Variants in OPRM1 observed in about 807,000 individuals in gnomAD.
OPRM1 encodes mu-type opioid receptor.
OPRM1 carries 27 observed loss-of-function variants against 31.8 expected under a neutral mutation model. The ratio of observed to expected loss-of-function variants is 0.85; its 90% CI spans 0.63 to 1.17. The LOEUF is 1.17. OPRM1 is among the 50% of genes most tolerant of loss of function. The pLI is 0.00. For missense variants in OPRM1, 536 were observed against 511.1 expected (o/e 1.05, Z -0.47); for synonymous variants, 196 against 189.9 (o/e 1.03, Z -0.26).
chr6:154,100,139 AT>A lies in OPRM1; in HGVS notation c.1164+8668del, dbSNP rs1362857049. 1.1e-4 allele frequency among the ~76,000 whole-genome samples: 11 copies of A among 100,142 alleles called. 2 individuals are homozygous for A. The highest frequency in any genetic ancestry group is 4.3e-4 in the African/African-American group (11 of 25,658). The allele number at this position is 100,142 out of a possible 152,430, so 65.7% of individuals were successfully genotyped here. A position where few individuals can be genotyped will look rare whatever the true frequency, so the allele number is the denominator to read the frequency against. On this transcript the variant is annotated intron_variant, in intron 3 of 3. Coordinates refer to ENST00000330432, the MANE Select transcript of OPRM1 (RefSeq NM_000914.5). Reference sequence around the variant, plus strand: ...ATATTATCATATTATGACATATAATATATATTATCATATTATGACGTATCAT... The same window carrying A: ...ATATTATCATATTATGACATATAATAATATTATCATATTATGACGTATCAT...
Position 154,212,760 on chromosome 6 carries a change from C to T in OPRM1, c.1165-33933C>T, listed in dbSNP as rs374919109. 4.0e-5 allele frequency: 63 copies of T among 1,576,794 alleles called. No individual in the cohort carries two copies. The East Asian group carries it at 4.0e-4, about 10-fold the overall frequency. ...TCGATGACCAACAGACTACTTATGT[C>T]GGTACATACCAAAGACTGAGTCTGG... On this transcript the variant is annotated intron_variant, in intron 3 of 3. Coordinates refer to the OPRM1 transcript ENST00000337049.
downstream of OPRM1, among the ~76,000 whole-genome samples, chr6:154,134,222 C>G (rs1395987122): frequency 1.3e-5 from 2 of 152,182 alleles, no homozygotes; most frequent in Non-Finnish European, 2.9e-5. Flanking sequence ...TATATTCATA[C>G]CCAGGCTTTG....
At chr6:154,173,045 A>T (rs1423618716) in intron 3 of OPRM1, among the ~76,000 whole-genome samples, 1 of 152,262 alleles carries the variant, frequency 6.6e-6, no homozygotes, top group Non-Finnish European at 1.5e-5. Flanking sequence ...GTGCACCTGC[A>T]GCAAACTCCA....
Position 154,093,651 on chromosome 6 carries a change from G to T in OPRM1, c.1164+2179G>T, listed in dbSNP as rs924316022. The T allele has an allele frequency of 9.2e-6, 9 of 978,368 alleles. No homozygotes were observed. The Admixed American group carries it at 2.9e-4, about 32-fold the overall frequency. 60.6% of individuals were successfully genotyped at this position (978,368 alleles called of 1,614,324 possible). On this transcript the variant is annotated intron_variant, in intron 3 of 3. Coordinates refer to ENST00000330432, the MANE Select transcript of OPRM1 (RefSeq NM_000914.5). ...TCGCTGCCTCTATGAAGCAGTATCA[G>T]TGTAAGATAACAGCAGAAACACATT...
chr6:154,140,332 A>ATT (rs11313350), intron 3 of OPRM1, among the ~76,000 whole-genome samples: 9 of 130,136 alleles, frequency 6.9e-5, no homozygotes, highest in African/African-American at 1.5e-4. Context: ...ATGTTATTTT[A>ATT]TTTTTTTTTT....
chr6:154,146,098 T>C (rs1798350823), intron 3 of OPRM1, among the ~76,000 whole-genome samples: 1 of 152,140 alleles, frequency 6.6e-6, no homozygotes, highest in Non-Finnish European at 1.5e-5. Context: ...ACTTAGATAT[T>C]TAAGTAAAGA....
chr6:154,175,900 G>A (rs1174040758), intron 3 of OPRM1, among the ~76,000 whole-genome samples: 1 of 152,156 alleles, frequency 6.6e-6, no homozygotes, highest in East Asian at 1.9e-4. Flanking sequence ...TATCCCTGAT[G>A]AACATTGATG....
At chr6:154,022,558 A>G (rs1478191647) in intron 1 of OPRM1, among the ~76,000 whole-genome samples, 1 of 150,708 alleles carries the variant, frequency 6.6e-6, no homozygotes, top group Non-Finnish European at 1.5e-5. Context: ...TTTAAAGTTG[A>G]CATGATATCA....
At chr6:154,029,777 AG>A (rs1778903050) in intron 1 of OPRM1, among the ~76,000 whole-genome samples, 1 of 152,190 alleles carries the variant, frequency 6.6e-6, no homozygotes, top group African/African-American at 2.4e-5. Context: ...TTCTCATGGT[AG>A]TGAATGAGTT....
At chr6:154,234,011 C>T (rs575960606) in intron 3 of OPRM1, among the ~76,000 whole-genome samples, 2 of 152,216 alleles carry the variant, frequency 1.3e-5, no homozygotes, top group South Asian at 4.1e-4. Flanking sequence ...GAGTTCAAGA[C>T]CAGCCTGGGC....
intron 3 of OPRM1, among the ~76,000 whole-genome samples, chr6:154,098,565 A>G (rs1377700841): frequency 2.6e-5 from 4 of 152,182 alleles, no homozygotes; most frequent in Non-Finnish European, 5.9e-5. Context: ...TTCTACCTCT[A>G]TGATTTTGAA....
intron 2 of OPRM1, 122 bp from the exon 3 acceptor site, chr6:154,090,830 C>A (rs1414697496): frequency 2.5e-6 from 2 of 802,960 alleles, no homozygotes; most frequent in South Asian, 2.0e-5. Context: ...TCCACAATTT[C>A]TTTATAGCCT....
intron 1 of OPRM1, among the ~76,000 whole-genome samples, chr6:154,061,563 G>T (rs1784424778): frequency 6.6e-6 from 1 of 152,110 alleles, no homozygotes; most frequent in Admixed American, 6.6e-5. Flanking sequence ...GGCAATGTAT[G>T]CAGGAACAGA....
chr6:154,242,003 C>G (rs1780636661), intron 3 of OPRM1, among the ~76,000 whole-genome samples: 1 of 152,186 alleles, frequency 6.6e-6, no homozygotes, highest in Non-Finnish European at 1.5e-5. Context: ...CCTTATGAGA[C>G]TTTGAGCAAG....
At chr6:154,157,991 C>G (rs1415356506) in intron 3 of OPRM1, 3 of 152,252 alleles carry the variant, frequency 2.0e-5, no homozygotes, top group Non-Finnish European at 4.4e-5. Context: ...GTTTGCTGGG[C>G]CAAACTGACT....
intron 3 of OPRM1, among the ~76,000 whole-genome samples, chr6:154,097,582 G>A (rs530037797): frequency 1.8e-5 from 2 of 113,050 alleles, no homozygotes; most frequent in East Asian, 3.9e-4. Context: ...AAAGAAAATG[G>A]TTCCGTGTGT....
chr6:154,107,524 T>G (rs1795764463), intron 3 of OPRM1: 1 of 718,482 alleles, frequency 1.4e-6, no homozygotes, highest in Non-Finnish European at 2.6e-6. Context: ...TGAGCTACAA[T>G]GCAGGGCAGT....
chr6:154,095,899 C>T (rs1008126338), intron 3 of OPRM1, among the ~76,000 whole-genome samples: 2 of 152,156 alleles, frequency 1.3e-5, no homozygotes, highest in Admixed American at 1.3e-4. Context: ...TATTGAACTC[C>T]ACTTTGCTTT....
chr6:154,188,181 A>G (rs984105200), intron 3 of OPRM1, among the ~76,000 whole-genome samples: 11 of 152,262 alleles, frequency 7.2e-5, no homozygotes, highest in Non-Finnish European at 1.2e-4. Flanking sequence ...AATGCATTTT[A>G]AAAACTAATT....
Sources: gnomAD v4.1 joint callset for allele counts (sites outside exome capture counted in the v4.1 genomes callset) on GRCh38, gnomAD v4.1.1 for gene constraint, MANE v1.5 for transcripts, NCBI Gene and HGNC (gene_info 2026-07-23, HGNC 2026-07-21) for gene names.